SMARCAL1: variants seen among roughly 807,000 people sequenced by gnomAD.
SMARCAL1 encodes ATP-driven annealing helicase.
A neutral mutation model predicts 94.5 loss-of-function variants in SMARCAL1; 58 were observed. The ratio of observed to expected loss-of-function variants is 0.61; its 90% CI spans 0.50 to 0.76. The LOEUF (loss-of-function observed/expected upper bound fraction) is 0.76, where lower values mean the gene tolerates loss of function less well. Ranked by LOEUF, SMARCAL1 falls within the 30% of genes least tolerant of loss-of-function variation. The pLI is 0.00. For synonymous variants in SMARCAL1, 422 were observed against 455.1 expected (o/e 0.93, Z 0.93); for missense variants, 1,051 against 1,177.9 (o/e 0.89, Z 1.58).
rs763105313 is a variant in SMARCAL1, at chr2:216,450,899, C to A, written c.1905C>A (p.Leu635=). The change falls in exon 12 of 18, where the codon CTC becomes CTA. Residue 635 remains leucine (L), a synonymous_variant. Coordinates refer to ENST00000357276, the MANE Select transcript of SMARCAL1 (RefSeq NM_014140.4). Reference sequence around the variant, plus strand: ...CCTCCAACCTGGGAGAGCTGAAGCTCCTGCTGGAGGAAGCAGTCATGCTGC... The same window carrying A: ...CCTCCAACCTGGGAGAGCTGAAGCTACTGCTGGAGGAAGCAGTCATGCTGC... ...SGSSNLGELK[L]LLEEAVMLRR... 2 of 1,614,104 alleles carry A rather than the reference C, an allele frequency of 1.2e-6. No individual in the cohort carries two copies. Among genetic ancestry groups the A allele is most frequent in the East Asian group, 2.2e-5 (1 of 44,902 alleles).
chr2:216,446,440 T>C (rs1694315910), intron 10 of SMARCAL1, among the ~76,000 whole-genome samples: 2 of 152,196 alleles, frequency 1.3e-5, no homozygotes, highest in Non-Finnish European at 2.9e-5. Flanking sequence ...GAAAGTCACA[T>C]GGAGACATAT....
chr2:216,429,619 C>T (rs911422172), intron 7 of SMARCAL1, among the ~76,000 whole-genome samples: 26 of 152,130 alleles, frequency 1.7e-4, no homozygotes, highest in Admixed American at 6.5e-5. Context: ...TGTAGTTGAA[C>T]ATAGAGCCCT....
At chr2:216,472,045 TATA>T (rs939573155) in intron 14 of SMARCAL1, among the ~76,000 whole-genome samples, 1 of 152,158 alleles carries the variant, frequency 6.6e-6, no homozygotes, top group Non-Finnish European at 1.5e-5. Flanking sequence ...CTGTTGTATG[TATA>T]ATAATTTTTA....
intron 12 of SMARCAL1, among the ~76,000 whole-genome samples, chr2:216,453,425 A>G (rs1415224074): frequency 6.6e-6 from 1 of 152,240 alleles, no homozygotes; most frequent in Non-Finnish European, 1.5e-5. Context: ...AGTAGAAAAC[A>G]GATTTGTGTG....
Position 216,451,127 on chromosome 2 carries a change from G to A in SMARCAL1, c.2070+63G>A, listed in dbSNP as rs796574848. On this transcript the variant is annotated intron_variant, in intron 12 of 17. Coordinates refer to ENST00000357276, the MANE Select transcript of SMARCAL1 (RefSeq NM_014140.4). ...TGTCTAGGTGTTCCTTTCCATGAGA[G>A]GCCCTTGAAAATGACCTGGCATTCT... 3.7e-5 allele frequency: 51 copies of A among 1,367,560 alleles called. No individual in the cohort carries two copies. In the African/African-American group the frequency reaches 6.7e-4, roughly 18 times the overall value. 84.7% of individuals were successfully genotyped at this position (1,367,560 alleles called of 1,614,324 possible).
At chr2:216,437,785 C>CTATATATATATA (rs3836032) in intron 9 of SMARCAL1, among the ~76,000 whole-genome samples, 4 of 150,682 alleles carry the variant, frequency 2.7e-5, no homozygotes, top group African/African-American at 9.7e-5. Context: ...GAAAAACAAA[C>CTATATATATATA]TATATATATA....
chr2:216,438,075 C>T (rs56389160), intron 9 of SMARCAL1, among the ~76,000 whole-genome samples: 1 of 152,222 alleles, frequency 6.6e-6, no homozygotes, highest in Admixed American at 6.5e-5. Context: ...GGCACTTGGT[C>T]TAGTGCTCCA....
intron 8 of SMARCAL1, among the ~76,000 whole-genome samples, chr2:216,434,086 C>T (rs1405015456): frequency 6.6e-6 from 1 of 151,678 alleles, no homozygotes; most frequent in Non-Finnish European, 1.5e-5. Context: ...AGTGATCCTT[C>T]TGCCTTGGCC....
chr2:216,439,262 T>G (rs1694145453), intron 10 of SMARCAL1, among the ~76,000 whole-genome samples: 1 of 152,160 alleles, frequency 6.6e-6, no homozygotes, highest in South Asian at 2.1e-4. Flanking sequence ...CTCTCTCTTC[T>G]GTGTTTGGTT....
chr2:216,451,441 CAT>C (rs1388845141), intron 12 of SMARCAL1: 1 of 306,230 alleles, frequency 3.3e-6, no homozygotes, highest in African/African-American at 2.2e-5. Context: ...ATGTTTGATA[CAT>C]ATGTTAATCC....
intron 10 of SMARCAL1, among the ~76,000 whole-genome samples, chr2:216,441,428 A>C (rs1387785056): frequency 6.6e-6 from 1 of 152,192 alleles, no homozygotes; most frequent in African/African-American, 2.4e-5. Flanking sequence ...AAAAAGAACA[A>C]AGTTAAAATT....
rs773199821 is a variant in SMARCAL1, at chr2:216,435,382, C to T, written c.1530C>T (p.Asn510=). ...CATCTCTGAGCCCAGATTGCATCAA[C>T]GTCGTGGTGACTGGGAAGGACCGCC... The part of the protein sequence containing the change: ...WLPSLSPDCI[N]VVVTGKDRLT... Residue 510 remains asparagine (N), a synonymous_variant, in exon 9 of 18, where the codon AAC becomes AAT. Transcript: ENST00000357276. 3.1e-6 allele frequency: 5 copies of T among 1,614,060 alleles called. No individual in the cohort carries two copies. The highest frequency in any genetic ancestry group is 2.2e-5 in the East Asian group (1 of 44,898).
Position 216,475,652 on chromosome 2 carries a change from T to C in SMARCAL1, c.2427+201T>C, listed in dbSNP as rs1695059399. Among the ~76,000 whole-genome samples the C allele has an allele frequency of 6.6e-6, 1 of 152,134 alleles. No homozygotes were observed. Among genetic ancestry groups the C allele is most frequent in the Admixed American group, 6.5e-5 (1 of 15,272 alleles). ...TCTTTTTTTGAGACAGAGTCTCTTA[T>C]CACCCAGGCTGGAGTGCAGTGGCAT... On this transcript the variant is annotated intron_variant, in intron 15 of 17. Transcript: ENST00000357276. The surrounding 1 kb of genome is among the most constrained non-coding windows in gnomAD (Gnocchi z 4.4).
chr2:216,425,117 C>T (rs1026564052), intron 6 of SMARCAL1, among the ~76,000 whole-genome samples: 5 of 152,170 alleles, frequency 3.3e-5, no homozygotes, highest in African/African-American at 7.2e-5. Context: ...TTTGCCCACT[C>T]GACCTGGCAG....
chr2:216,481,138 G>A (rs1444749539), intron 17 of SMARCAL1, among the ~76,000 whole-genome samples: 1 of 152,132 alleles, frequency 6.6e-6, no homozygotes, highest in Non-Finnish European at 1.5e-5. Context: ...TATGGGAAGA[G>A]AAGCTGCTTT....
In SMARCAL1 at chr2:216,432,858, C is replaced by T; in HGVS notation, c.1475C>T (p.Thr492Ile). ...GTGGTGCCATCCTCCGTGCGCTTCA[C>T]CTGGGAGCAGGTTAATGGTCTTCAA... ...LVVVPSSVRF[T>I]WEQAFLRWLP... The change falls in exon 8 of 18, where the codon ACC becomes ATC. Residue 492 changes from threonine to isoleucine, a missense_variant. By Grantham distance (89) the Thr-to-Ile change is moderately conservative. Coordinates refer to ENST00000357276, the MANE Select transcript of SMARCAL1 (RefSeq NM_014140.4). 5 of 1,614,196 alleles carry T rather than the reference C, an allele frequency of 3.1e-6. No homozygotes were observed. The highest frequency in any genetic ancestry group is 2.2e-5 in the South Asian group (2 of 91,076).
At chr2:216,474,647 T>C (rs564639662) in intron 14 of SMARCAL1, among the ~76,000 whole-genome samples, 10 of 151,544 alleles carry the variant, frequency 6.6e-5, no homozygotes, top group Admixed American at 1.3e-4. Context: ...CCCACCTAGT[T>C]GGGAGGCTGA....
At chr2:216,429,165 A>C (rs1428619881) in intron 7 of SMARCAL1, among the ~76,000 whole-genome samples, 2 of 152,224 alleles carry the variant, frequency 1.3e-5, no homozygotes, top group African/African-American at 4.8e-5. Context: ...CAAGTGTGGC[A>C]GCTCGGGCCG....
Position 216,423,693 on chromosome 2 carries a change from C to T in SMARCAL1, c.1147+10C>T, listed in dbSNP as rs769789975. ...GAGCACAGTAAACTAAGTGAGAAGC[C>T]TTCCTTACTTGTTTTATATCATGCT... On this transcript the variant is annotated intron_variant, in intron 6 of 17. Coordinates refer to ENST00000357276, the MANE Select transcript of SMARCAL1 (RefSeq NM_014140.4). The T allele has an allele frequency of 6.2e-7, 1 of 1,606,282 alleles. No individual in the cohort carries two copies. The highest frequency in any genetic ancestry group is 1.1e-5 in the South Asian group (1 of 90,908).
Sources: allele counts gnomAD v4.1 joint callset (sites outside exome capture counted in the v4.1 genomes callset), GRCh38; gene constraint gnomAD v4.1.1; non-coding constraint Gnocchi (gnomAD v3.1); transcripts MANE v1.5; gene names NCBI Gene and HGNC (gene_info 2026-07-23, HGNC 2026-07-21).